The following L3MBTL4 variants were observed in gnomAD, a reference collection of about 807,000 sequenced individuals.
L3MBTL4 encodes lethal(3)malignant brain tumor-like protein 4.
L3MBTL4 carries 70 observed loss-of-function variants against 84.5 expected under a neutral mutation model. The observed-to-expected ratio is 0.83, with a 90% CI of 0.68 to 1.01. The LOEUF is 1.01. Among genes scored for constraint, L3MBTL4 ranks in the 50% least tolerant of loss-of-function variants. L3MBTL4 has a pLI of 0.00. For missense variants in L3MBTL4, 715 were observed against 754.8 expected (o/e 0.95, Z 0.62); for synonymous variants, 274 against 259.8 (o/e 1.05, Z -0.52).
intron 14 of L3MBTL4, among the ~76,000 whole-genome samples, chr18:6,127,186 A>G (rs903295274): frequency 7.9e-5 from 12 of 152,244 alleles, no homozygotes; most frequent in Non-Finnish European, 1.8e-4. Context: ...TTTACTTTCT[A>G]TATCAAGCTT....
chr18:6,076,521 T>C (rs1037374580), intron 16 of L3MBTL4, among the ~76,000 whole-genome samples: 4 of 152,162 alleles, frequency 2.6e-5, no homozygotes, highest in Non-Finnish European at 5.9e-5. Context: ...TAAATGGGTA[T>C]GATCTCTGTG....
At chr18:6,236,883 G>A (rs969105181) in intron 10 of L3MBTL4, among the ~76,000 whole-genome samples, 10 of 151,942 alleles carry the variant, frequency 6.6e-5, no homozygotes, top group East Asian at 3.8e-4. Context: ...TATTTAAGGC[G>A]AAAACATTAA....
intron 16 of L3MBTL4, among the ~76,000 whole-genome samples, chr18:6,028,023 AGAAGCTCTT>A (rs2055592139): frequency 2.6e-5 from 4 of 152,192 alleles, no homozygotes; most frequent in Admixed American, 2.6e-4. Context: ...TGCATTGTGC[AGAAGCTCTT>A]TTGTTTGACT....
At chr18:6,041,954 T>C (rs531972858) in intron 16 of L3MBTL4, among the ~76,000 whole-genome samples, 1 of 152,128 alleles carries the variant, frequency 6.6e-6, no homozygotes, top group African/African-American at 2.4e-5. Flanking sequence ...AACTCTTGGC[T>C]TCAAGTGATC....
intron 1 of L3MBTL4, among the ~76,000 whole-genome samples, chr18:6,342,251 G>A (rs1426128587): frequency 6.6e-6 from 1 of 152,158 alleles, no homozygotes; most frequent in African/African-American, 2.4e-5. Flanking sequence ...ATACTATAAT[G>A]AAGGTGAATA....
At chr18:6,251,889 A>T (rs1246977334) in intron 5 of L3MBTL4, among the ~76,000 whole-genome samples, 1 of 152,238 alleles carries the variant, frequency 6.6e-6, no homozygotes, top group Non-Finnish European at 1.5e-5. Flanking sequence ...AGAAGATGGC[A>T]TCAGAACACA....
intron 10 of L3MBTL4, among the ~76,000 whole-genome samples, chr18:6,225,531 A>G (rs891946164): frequency 2.6e-5 from 4 of 152,166 alleles, no homozygotes; most frequent in African/African-American, 9.6e-5. Context: ...AGGCCAAGGC[A>G]GGTGGATAGG....
intron 10 of L3MBTL4, among the ~76,000 whole-genome samples, chr18:6,230,994 C>T (rs1189232810): frequency 6.6e-6 from 1 of 151,964 alleles, no homozygotes; most frequent in Non-Finnish European, 1.5e-5. Context: ...TTTGTCAATG[C>T]ATAGTTTGCA....
In L3MBTL4 at chr18:6,227,061, T is replaced by C. The variant is rs114656007; in HGVS notation, c.784+10903A>G. On this transcript the variant is annotated intron_variant, in intron 10 of 18. Transcript: ENST00000317931. ...ACCAGGGATGAAAAAGAAAAATACATAAAAATAAAGGGGACAATTCTTTAA... is the reference window on the plus strand; with the variant it reads ...ACCAGGGATGAAAAAGAAAAATACACAAAAATAAAGGGGACAATTCTTTAA... 1.5e-3 allele frequency among the ~76,000 whole-genome samples: 226 copies of C among 152,052 alleles called. 1 individual carries two copies. Among genetic ancestry groups the C allele is most frequent in the African/African-American group, 5.3e-3 (219 of 41,494 alleles).
intron 16 of L3MBTL4, among the ~76,000 whole-genome samples, chr18:6,023,256 A>G (rs1211624875): frequency 6.6e-6 from 1 of 152,240 alleles, no homozygotes; most frequent in Non-Finnish European, 1.5e-5. Flanking sequence ...AGCTTTGGAG[A>G]TGATAATAAA....
chr18:6,331,068 A>C (rs971413268), intron 1 of L3MBTL4, among the ~76,000 whole-genome samples: 6 of 152,222 alleles, frequency 3.9e-5, no homozygotes, highest in African/African-American at 7.2e-5. Context: ...TGGATTATTA[A>C]AAAACAGAAA....
intron 1 of L3MBTL4, among the ~76,000 whole-genome samples, chr18:6,317,959 T>C (rs572055312): frequency 6.6e-6 from 1 of 152,264 alleles, no homozygotes; most frequent in East Asian, 1.9e-4. Flanking sequence ...TTAGCCTCTT[T>C]AAACAGAATA....
intron 16 of L3MBTL4, among the ~76,000 whole-genome samples, chr18:6,018,846 C>T (rs1327109446): frequency 6.6e-6 from 1 of 152,190 alleles, no homozygotes; most frequent in Admixed American, 6.5e-5. Flanking sequence ...AGCAAGGATT[C>T]CAGCAAAGAT....
intron 16 of L3MBTL4, among the ~76,000 whole-genome samples, chr18:6,057,825 A>G (rs1225092120): frequency 6.6e-6 from 1 of 152,250 alleles, no homozygotes; most frequent in East Asian, 1.9e-4. Context: ...CAACAAGACA[A>G]GCAGTGTACT....
chr18:6,269,622 A>C (rs562559677), intron 4 of L3MBTL4, among the ~76,000 whole-genome samples: 3 of 152,374 alleles, frequency 2.0e-5, no homozygotes, highest in African/African-American at 7.2e-5. Flanking sequence ...ACAACAGTAC[A>C]AAGTTGGAAA....
In L3MBTL4 at chr18:6,014,424, G is replaced by A. The variant is rs117311777; in HGVS notation, c.1445-44862C>T. Among the ~76,000 whole-genome samples the A allele has an allele frequency of 2.0e-5, 3 of 152,302 alleles. No homozygotes were observed. The East Asian group carries it at 5.8e-4, about 29-fold the overall frequency. ...ATGCAAGCAACTACAATACAGAATG[G>A]TAAGGTCCTGGAGAGGAGAAGTAGA... On this transcript the variant is annotated intron_variant, in intron 16 of 18. Coordinates refer to ENST00000317931, the MANE Select transcript of L3MBTL4 (RefSeq NM_001330559.2).
rs374329118 is a variant in L3MBTL4, at chr18:6,010,209, C to T, written c.1445-40647G>A. ...CTCTATTCTCTCTTTCTTGATAAGA[C>T]AGGCATTAAAATATAAAAGCCAGAA... On this transcript the variant is annotated intron_variant, in intron 16 of 18. Transcript: ENST00000317931. 3.3e-5 allele frequency among the ~76,000 whole-genome samples: 5 copies of T among 152,096 alleles called. No individual in the cohort carries two copies. In the East Asian group the frequency reaches 5.8e-4, roughly 18 times the overall value.
intron 14 of L3MBTL4, among the ~76,000 whole-genome samples, chr18:6,123,647 A>G (rs546321938): frequency 1.3e-5 from 2 of 152,186 alleles, no homozygotes; most frequent in Admixed American, 6.5e-5. Context: ...GTATGTCTTT[A>G]TTAGCAGCGT....
intron 16 of L3MBTL4, among the ~76,000 whole-genome samples, chr18:5,992,157 C>G (rs948062357): frequency 6.6e-6 from 1 of 152,100 alleles, no homozygotes; most frequent in Non-Finnish European, 1.5e-5. Flanking sequence ...GAGGTACGTG[C>G]GAGGAGGACA....
Sources: gnomAD v4.1 joint callset for allele counts (sites outside exome capture counted in the v4.1 genomes callset) on GRCh38, gnomAD v4.1.1 for gene constraint, MANE v1.5 for transcripts, NCBI Gene and HGNC (gene_info 2026-07-23, HGNC 2026-07-21) for gene names.